The following NARS2 variants were observed in gnomAD, a reference collection of about 807,000 sequenced individuals.
The protein encoded by NARS2 is asparaginyl-tRNA synthetase 2, mitochondrial, also known as asparaginyl-tRNA synthetase.
In NARS2, 60 loss-of-function variants were observed where a neutral mutation model predicts 62.9. That is an observed-to-expected ratio of 0.95 (90% CI 0.77 to 1.18). The LOEUF is 1.18. Ranked by LOEUF, NARS2 falls within the 50% of genes most tolerant of loss-of-function variation. The pLI, the probability that NARS2 is intolerant of heterozygous loss-of-function variation, is 0.00. For synonymous variants in NARS2, 196 were observed against 200.0 expected (o/e 0.98, Z 0.17); for missense variants, 619 against 576.4 (o/e 1.07, Z -0.76).
intron 5 of NARS2, among the ~76,000 whole-genome samples, chr11:78,552,328 C>G (rs1244471368): frequency 6.6e-6 from 1 of 152,172 alleles, no homozygotes; most frequent in Non-Finnish European, 1.5e-5. Flanking sequence ...TGATCTCATT[C>G]CTTTTTATGG....
intron 13 of NARS2, among the ~76,000 whole-genome samples, chr11:78,437,187 T>C (rs1857435562): frequency 1.3e-5 from 2 of 152,250 alleles, no homozygotes; most frequent in African/African-American, 4.8e-5. Flanking sequence ...TTAATCACAA[T>C]GTTTTCTTTT....
At chr11:78,532,412 C>T (rs1476415639) in intron 5 of NARS2, among the ~76,000 whole-genome samples, 2 of 152,184 alleles carry the variant, frequency 1.3e-5, no homozygotes, top group African/African-American at 4.8e-5. Context: ...ATATAAGGAA[C>T]TCCTGCCAAG....
intron 9 of NARS2, among the ~76,000 whole-genome samples, chr11:78,477,846 C>A (rs1859167010): frequency 6.6e-6 from 1 of 152,146 alleles, no homozygotes. Context: ...TGTCCACCTA[C>A]CCCGAGACTT....
intron 11 of NARS2, among the ~76,000 whole-genome samples, chr11:78,460,101 T>G (rs991379394): frequency 6.6e-6 from 1 of 151,596 alleles, no homozygotes; most frequent in African/African-American, 2.4e-5. Context: ...AGAAGAAGGG[T>G]GGTGATAGGA....
At chr11:78,459,815 T>C (rs955402094) in intron 11 of NARS2, among the ~76,000 whole-genome samples, 11 of 152,218 alleles carry the variant, frequency 7.2e-5, no homozygotes, top group African/African-American at 1.7e-4. Context: ...ATTAATTAAA[T>C]AGTCATGCAC....
At position 78,436,063 on chromosome 11, in the gene NARS2, T is replaced by G. The variant is rs1857402298; in HGVS notation, c.*607A>C. ...GATTAAAGAGTTGAAATACTTAATG[T>G]AATATCTCAACAGCTTTGAAAATTG... On this transcript the variant is annotated 3_prime_UTR_variant, in exon 14 of 14. Transcript: ENST00000281038. 1 of 152,210 alleles carries G rather than the reference T, an allele frequency of 6.6e-6. No homozygotes were observed. The highest frequency in any genetic ancestry group is 2.4e-5 in the African/African-American group (1 of 41,462). 9.4% of individuals were successfully genotyped at this position (152,210 alleles called of 1,614,324 possible).
intron 11 of NARS2, among the ~76,000 whole-genome samples, chr11:78,465,601 CA>C (rs1858587440): frequency 6.6e-6 from 1 of 152,268 alleles, no homozygotes; most frequent in East Asian, 1.9e-4. Flanking sequence ...CATTACAAAA[CA>C]AAACAAAACA....
chr11:78,549,871 G>C (rs1274710528), intron 5 of NARS2, among the ~76,000 whole-genome samples: 1 of 151,916 alleles, frequency 6.6e-6, no homozygotes, highest in Non-Finnish European at 1.5e-5. Context: ...GGAGGAGAGG[G>C]GCAAGACTTG....
chr11:78,503,873 T>C (rs1302163857), intron 6 of NARS2, among the ~76,000 whole-genome samples: 1 of 152,196 alleles, frequency 6.6e-6, no homozygotes, highest in Non-Finnish European at 1.5e-5. Context: ...AGAGGAAGAA[T>C]GGCATGCTCT....
In NARS2 at chr11:78,571,412, T is replaced by A. The variant is rs181862634; in HGVS notation, c.174A>T (p.Glu58Asp). ...GWIRSVRSQK[E>D]VLFLHVNDGS... ...CATCATTTACATGCAGGAACAAGAC[T>A]TCCTTCTGGGATCGGACAGAACGAA... is the stretch of plus-strand genomic sequence containing the variant. The change falls in exon 2 of 14, where the codon GAA becomes GAT. Residue 58 changes from glutamate to aspartate, a missense_variant. By Grantham distance (45) the Glu-to-Asp change is conservative. Coordinates refer to ENST00000281038, the MANE Select transcript of NARS2 (RefSeq NM_024678.6). The A allele has an allele frequency of 6.2e-7, 1 of 1,613,336 alleles. No homozygotes were observed. Among genetic ancestry groups the A allele is most frequent in the Non-Finnish European group, 8.5e-7 (1 of 1,179,824 alleles).
intron 5 of NARS2, among the ~76,000 whole-genome samples, chr11:78,538,214 A>G (rs1176632139): frequency 6.6e-6 from 1 of 152,162 alleles, no homozygotes; most frequent in Non-Finnish European, 1.5e-5. Context: ...ACAGCACAAT[A>G]CATTCACCTC....
At chr11:78,523,861 G>A (rs1861211711) in intron 6 of NARS2, among the ~76,000 whole-genome samples, 1 of 152,006 alleles carries the variant, frequency 6.6e-6, no homozygotes, top group Admixed American at 6.6e-5. Flanking sequence ...TTTGTCTTTT[G>A]GGAGTGATAA....
chr11:78,540,807 A>G (rs1220720410), intron 5 of NARS2, among the ~76,000 whole-genome samples: 3 of 152,246 alleles, frequency 2.0e-5, no homozygotes, highest in Admixed American at 1.3e-4. Flanking sequence ...CTTGATCCCA[A>G]TTAAGAGATT....
At chr11:78,559,514 C>T (rs1341726375) in intron 5 of NARS2, 25 bp downstream of exon 5, 9 of 1,457,784 alleles carry the variant, frequency 6.2e-6, no homozygotes, top group Non-Finnish European at 8.7e-6. Context: ...GCAATGTACC[C>T]CTCAAGATGG....
intron 6 of NARS2, among the ~76,000 whole-genome samples, chr11:78,521,096 G>T (rs1353566009): frequency 6.7e-6 from 1 of 148,838 alleles, no homozygotes; most frequent in South Asian, 2.1e-4. Context: ...TGATGGGTGC[G>T]AAGAGGAAAA....
At chr11:78,490,983 A>G (rs1859794821) in intron 7 of NARS2, among the ~76,000 whole-genome samples, 1 of 152,202 alleles carries the variant, frequency 6.6e-6, no homozygotes, top group African/African-American at 2.4e-5. Context: ...AATATAACTG[A>G]GAAAAATAAA....
chr11:78,481,488 A>G (rs759522238), intron 7 of NARS2, among the ~76,000 whole-genome samples: 11 of 152,194 alleles, frequency 7.2e-5, no homozygotes, highest in African/African-American at 1.2e-4. Context: ...GGGACACAGT[A>G]CACCCATTTG....
intron 9 of NARS2, among the ~76,000 whole-genome samples, chr11:78,477,628 A>T (rs576833385): frequency 5.3e-5 from 8 of 152,292 alleles, no homozygotes; most frequent in East Asian, 3.9e-4. Context: ...GAATGCTTCT[A>T]AGAAGGTGTT....
chr11:78,541,454 C>T (rs1026234863), intron 5 of NARS2, among the ~76,000 whole-genome samples: 8 of 152,114 alleles, frequency 5.3e-5, no homozygotes, highest in African/African-American at 1.9e-4. Flanking sequence ...ACCACTGTGC[C>T]CAGCTCTCGC....
Sources: gnomAD v4.1 joint callset for allele counts (sites outside exome capture counted in the v4.1 genomes callset) on GRCh38, gnomAD v4.1.1 for gene constraint, MANE v1.5 for transcripts, NCBI Gene and HGNC (gene_info 2026-07-23, HGNC 2026-07-21) for gene names.